Variants in LRRC27 observed in about 807,000 individuals in gnomAD.
LRRC27 encodes leucine rich repeat containing 27.
A neutral mutation model predicts 55.0 loss-of-function variants in LRRC27; 57 were observed. The observed-to-expected ratio is 1.04, with a 90% CI of 0.84 to 1.29. LRRC27 has a LOEUF of 1.29. Among genes scored for constraint, LRRC27 ranks in the 50% most tolerant of loss-of-function variants. The pLI, the probability that LRRC27 is intolerant of heterozygous loss-of-function variation, is 0.00. For missense variants in LRRC27, 721 were observed against 651.5 expected (o/e 1.11, Z -1.16); for synonymous variants, 278 against 251.9 (o/e 1.10, Z -0.98).
chr10:132,371,274 C>T (rs2069209754), intron 10 of LRRC27, among the ~76,000 whole-genome samples: 1 of 152,008 alleles, frequency 6.6e-6, no homozygotes, highest in Non-Finnish European at 1.5e-5. Flanking sequence ...GAAGGGGATG[C>T]CAAATGGGGG....
At chr10:132,365,350 C>G in intron 9 of LRRC27, 74 bp from the exon 10 acceptor site, 3 of 1,585,516 alleles carry the variant, frequency 1.9e-6, no homozygotes, top group Non-Finnish European at 2.6e-6. Flanking sequence ...TGCTTTCTCC[C>G]TGGTTATGGC....
chr10:132,334,242 T>A (rs960372145), intron 2 of LRRC27, among the ~76,000 whole-genome samples: 1 of 152,186 alleles, frequency 6.6e-6, no homozygotes, highest in Non-Finnish European at 1.5e-5. Flanking sequence ...CAGTTGAGGG[T>A]TCCCCCTGCA....
rs2069380053 is a variant in LRRC27 at position 132,379,211 on chromosome 10, C to G, written c.*3969C>G. The stretch of plus-strand genomic sequence containing the variant: ...GCTCCTCTCCAGAGTTTCCTCTCAC[C>G]TCCGTGTTCTCGGGGAGTGCGTGGT... On this transcript the variant is annotated 3_prime_UTR_variant, in exon 11 of 11. Transcript: ENST00000368614. 6.6e-6 allele frequency: 1 copy of G among 150,856 alleles called. No homozygotes were observed. The highest frequency in any genetic ancestry group is 1.4e-5 in the Non-Finnish European group (1 of 69,042). The allele number at this position is 150,856 out of a possible 1,614,324, so 9.3% of individuals were successfully genotyped here.
intron 4 of LRRC27, among the ~76,000 whole-genome samples, chr10:132,343,660 A>G (rs761073908): frequency 6.6e-6 from 1 of 152,264 alleles, no homozygotes; most frequent in Non-Finnish European, 1.5e-5. Flanking sequence ...GACAGGGCCA[A>G]CAAGGCATTT....
In LRRC27 at chr10:132,375,231, A is replaced by G. The variant is rs2069318587; in HGVS notation, c.1582A>G (p.Arg528Gly). 1.2e-6 allele frequency: 2 copies of G among 1,612,810 alleles called. No individual in the cohort carries two copies. Among genetic ancestry groups the G allele is most frequent in the Non-Finnish European group, 1.7e-6 (2 of 1,179,272 alleles). ...TKYGESGNVR[R>G]YQ ...ATATGGAGAATCAGGAAATGTTCGC[A>G]GATACCAGTGACACCAGGTGGCTGG... The change falls in exon 11 of 11, where the codon AGA (arginine) becomes GGA (glycine). Residue 528 changes from arginine to glycine, a missense_variant. By Grantham distance (125) the Arg-to-Gly change is moderately radical. Coordinates refer to ENST00000368614, the MANE Select transcript of LRRC27 (RefSeq NM_030626.3).
Position 132,347,339 on chromosome 10 carries a change from C to T in LRRC27, c.554-645C>T, listed in dbSNP as rs146797698. Among the ~76,000 whole-genome samples, 417 of 127,084 alleles carry T rather than the reference C, an allele frequency of 3.3e-3. 3 individuals carry two copies. The highest frequency in any genetic ancestry group is 0.011 in the African/African-American group (374 of 32,766). 83.4% of individuals were successfully genotyped at this position (127,084 alleles called of 152,430 possible). ...GTGGGGCCTGTGTGGGAAGGTCACG[C>T]GTGTCCGGTGGGGCCCGTGTGGGAA... On this transcript the variant is annotated intron_variant, in intron 5 of 10. Coordinates refer to ENST00000368614, the MANE Select transcript of LRRC27 (RefSeq NM_030626.3).
At chr10:132,369,777 A>G (rs960638603) in intron 10 of LRRC27, among the ~76,000 whole-genome samples, 2 of 152,186 alleles carry the variant, frequency 1.3e-5, no homozygotes, top group Admixed American at 6.5e-5. Context: ...AGGCTGCTCT[A>G]GAAAAATCAA....
At chr10:132,355,988 GT>G (rs2068293281) in intron 8 of LRRC27, 102 bp downstream of exon 8, 3 of 766,194 alleles carry the variant, frequency 3.9e-6, no homozygotes, top group Non-Finnish European at 6.5e-6. Context: ...AGACCTGGGG[GT>G]GTGGGTGGGT....
intron 7 of LRRC27, among the ~76,000 whole-genome samples, chr10:132,351,967 C>T (rs1173208955): frequency 6.6e-6 from 1 of 152,070 alleles, no homozygotes; most frequent in African/African-American, 2.4e-5. Flanking sequence ...TGTTTGCAGC[C>T]CTGAGGCCTC....
rs1564854088 is a variant in LRRC27, at chr10:132,364,566, C to T, written c.1290-858C>T. 3.1e-4 allele frequency among the ~76,000 whole-genome samples: 30 copies of T among 96,180 alleles called. 4 individuals carry two copies. The highest frequency in any genetic ancestry group is 9.8e-3 in the Middle Eastern group (1 of 102). 63.1% of individuals were successfully genotyped at this position (96,180 alleles called of 152,430 possible). A position where few individuals can be genotyped will look rare whatever the true frequency, so the allele number is the denominator to read the frequency against. ...CTACCTCCACACCCACACTTACACC[C>T]ACGTCCACACCCTGGGGCCCCACAC... is the stretch of plus-strand genomic sequence containing the variant. On this transcript the variant is annotated intron_variant, in intron 9 of 10. Coordinates refer to ENST00000368614, the MANE Select transcript of LRRC27 (RefSeq NM_030626.3).
intron 8 of LRRC27, among the ~76,000 whole-genome samples, chr10:132,357,966 G>T (rs1361264082): frequency 2.0e-5 from 3 of 152,202 alleles, no homozygotes; most frequent in Non-Finnish European, 4.4e-5. Context: ...GCAGCTGAAC[G>T]CATGGAGAGG....
At chr10:132,366,916 G>C in intron 10 of LRRC27, 1 of 1,284,984 alleles carries the variant, frequency 7.8e-7, no homozygotes. Context: ...CACCCAACCT[G>C]ACTCGGACCC....
At chr10:132,331,329 G>C, upstream of LRRC27, 6 of 1,109,716 alleles carry the variant, frequency 5.4e-6, no homozygotes, top group Non-Finnish European at 7.6e-6. Flanking sequence ...TGGAATGAAG[G>C]TGCACGGGAC....
At chr10:132,331,288 AGGG>A (rs1482189731), upstream of LRRC27, 2 of 692,462 alleles carry the variant, frequency 2.9e-6, no homozygotes, top group African/African-American at 3.6e-5. Context: ...GGTGGGACAG[AGGG>A]TGCTACTTTT....
upstream of LRRC27, chr10:132,331,689 A>C: frequency 1.2e-6 from 2 of 1,612,776 alleles, no homozygotes; most frequent in South Asian, 2.2e-5. Flanking sequence ...GTCCTCGAGC[A>C]GCCCCGCCCG....
chr10:132,365,729 G>A (rs974370223), intron 10 of LRRC27, among the ~76,000 whole-genome samples, 179 bp downstream of exon 10: 1 of 152,168 alleles, frequency 6.6e-6, no homozygotes, highest in Non-Finnish European at 1.5e-5. Context: ...AGCCTCCCGA[G>A]TAGCTGGGAC....
Position 132,337,234 on chromosome 10 carries a change from C to T in LRRC27, c.211-331C>T, listed in dbSNP as rs540942501. 49 of 1,177,184 alleles carry T rather than the reference C, an allele frequency of 4.2e-5. No homozygotes were observed. In the Middle Eastern group the frequency reaches 1.1e-3, roughly 26 times the overall value. The allele number at this position is 1,177,184 out of a possible 1,614,324, so 72.9% of individuals were successfully genotyped here. A position where few individuals can be genotyped will look rare whatever the true frequency, so the allele number is the denominator to read the frequency against. ...CTGCGGCAGGCACTGGAGAAACGGC[C>T]GAGACACTGAGTGTGGGGCCCCGGA... is the stretch of plus-strand genomic sequence containing the variant. On this transcript the variant is annotated intron_variant, in intron 2 of 10. Coordinates refer to ENST00000368614, the MANE Select transcript of LRRC27 (RefSeq NM_030626.3).
In LRRC27 at chr10:132,333,573, C is replaced by G. The variant is rs765276662; in HGVS notation, c.49C>G (p.Leu17Val). Residue 17 changes from leucine to valine, a missense_variant, in exon 2 of 11, where the codon CTG (leucine) becomes GTG (valine). Leu to Val is a conservative substitution (Grantham distance 32). Coordinates refer to ENST00000368614, the MANE Select transcript of LRRC27 (RefSeq NM_030626.3). ...AGTTCCCTCTGTGGCTGCTGCTGAT[C>G]TGGAGGAGGGTGCTGGTCAGACTAG... ...YEVPSVAAADLEEGAGQTRSL... is the reference protein window; with the variant it reads ...YEVPSVAAADVEEGAGQTRSL... 11 of 1,611,208 alleles carry G rather than the reference C, an allele frequency of 6.8e-6. No homozygotes were observed. The highest frequency in any genetic ancestry group is 9.3e-6 in the Non-Finnish European group (11 of 1,179,342).
intron 4 of LRRC27, among the ~76,000 whole-genome samples, chr10:132,342,610 C>T (rs1051681331): frequency 2.0e-4 from 30 of 152,192 alleles, no homozygotes; most frequent in African/African-American, 7.0e-4. Flanking sequence ...GAAGTTTTAC[C>T]ACTTACGTAT....
Sources: allele counts gnomAD v4.1 joint callset (sites outside exome capture counted in the v4.1 genomes callset), GRCh38; gene constraint gnomAD v4.1.1; transcripts MANE v1.5; gene names NCBI Gene and HGNC (gene_info 2026-07-23, HGNC 2026-07-21).